VWC2: variants seen among roughly 807,000 people sequenced by gnomAD.
The protein encoded by VWC2 is von Willebrand factor C domain containing 2.
Under a neutral mutation model 29.8 loss-of-function variants are expected in VWC2, and 14 were observed. The observed-to-expected ratio is 0.47, with a 90% confidence interval of 0.31 to 0.74. The LOEUF (loss-of-function observed/expected upper bound fraction) is 0.74. Among genes scored for constraint, VWC2 ranks in the 30% least tolerant of loss-of-function variants. The pLI is 0.05. For missense variants in VWC2, 457 were observed against 459.8 expected, an observed-to-expected ratio of 0.99 and a Z score of 0.05; for synonymous variants, 213 against 199.0, an observed-to-expected ratio of 1.07 and a Z score of -0.59.
intron 3 of VWC2, among the ~76,000 whole-genome samples, chr7:49,867,435 G>T (rs1431483182): frequency 6.6e-6 from 1 of 152,224 alleles, no homozygotes; most frequent in Non-Finnish European, 1.5e-5. Flanking sequence ...CAGGTCAACT[G>T]AGAGGCGGAG....
intron 2 of VWC2, among the ~76,000 whole-genome samples, chr7:49,802,049 A>G (rs1254726894): frequency 6.6e-6 from 1 of 152,200 alleles, no homozygotes; most frequent in African/African-American, 2.4e-5. Context: ...TGGTGAGGGG[A>G]TGGGCAAGAA....
At chr7:49,903,145 G>A (rs1792868852) in intron 3 of VWC2, among the ~76,000 whole-genome samples, 1 of 152,124 alleles carries the variant, frequency 6.6e-6, no homozygotes, top group African/African-American at 2.4e-5. Context: ...AACTGGATTC[G>A]TGGTTGGACT....
rs143172460 is a variant in VWC2, at chr7:49,901,735, G to A, written c.827-10299G>A. Among the ~76,000 whole-genome samples the A allele has an allele frequency of 1.7e-3, 252 of 151,848 alleles. 3 individuals are homozygous for A. Among genetic ancestry groups the A allele is most frequent in the African/African-American group, 5.6e-3 (232 of 41,482 alleles). On this transcript the variant is annotated intron_variant, in intron 3 of 3. Transcript: ENST00000340652. Reference sequence around the variant, plus strand: ...GCAAAAGACCTAGAATAGCCAACACGATATTGAAAGAGAAAAACGTAGCTG... The same window carrying A: ...GCAAAAGACCTAGAATAGCCAACACAATATTGAAAGAGAAAAACGTAGCTG...
chr7:49,776,129 G>C lies in VWC2; in HGVS notation c.694G>C (p.Val232Leu). 2 of 1,512,516 alleles carry C rather than the reference G, an allele frequency of 1.3e-6. No homozygotes were observed. The highest frequency in any genetic ancestry group is 2.5e-5 in the East Asian group (1 of 40,522). 93.7% of individuals were successfully genotyped at this position (1,512,516 alleles called of 1,614,324 possible). The change falls in exon 2 of 4, where the codon GTG (valine) becomes CTG (leucine). Residue 232 changes from valine (V) to leucine (L), a missense_variant and splice_region_variant. Physicochemically the swap from Val to Leu is conservative, Grantham distance 32 (BLOSUM62 1). This residue lies in a region of VWC2 where 185 missense variants were observed against 257.1 expected (regional missense o/e 0.72). Transcript: ENST00000340652. ...GKTYQTLEEF[V>L]VSPCERCRCE... ...GACCTATCAGACTTTGGAGGAGTTC[G>C]TGGTAAGATGCGAACGCCCGCCGGG...
intron 3 of VWC2, among the ~76,000 whole-genome samples, chr7:49,862,232 T>C (rs1790678038): frequency 1.3e-5 from 2 of 152,228 alleles, no homozygotes; most frequent in East Asian, 1.9e-4. Context: ...TTTTAGATGC[T>C]ATTGAAATAG....
At chr7:49,843,878 C>A (rs1215264964) in intron 3 of VWC2, among the ~76,000 whole-genome samples, 1 of 152,110 alleles carries the variant, frequency 6.6e-6, no homozygotes, top group African/African-American at 2.4e-5. Flanking sequence ...AAAAGAAGAC[C>A]AATGGTAATA....
At chr7:49,818,639 G>C (rs894701303) in intron 3 of VWC2, among the ~76,000 whole-genome samples, 2 of 151,870 alleles carry the variant, frequency 1.3e-5, no homozygotes, top group African/African-American at 4.8e-5. Flanking sequence ...GATCTGGCTA[G>C]ACCTGCTGCC....
intron 3 of VWC2, among the ~76,000 whole-genome samples, chr7:49,879,961 T>C (rs1027336924): frequency 6.6e-6 from 1 of 152,142 alleles, no homozygotes; most frequent in Non-Finnish European, 1.5e-5. Flanking sequence ...GCAATTTCAT[T>C]CTTCTCTCTG....
intron 2 of VWC2, among the ~76,000 whole-genome samples, chr7:49,780,512 G>T (rs1422439435): frequency 6.6e-6 from 1 of 152,204 alleles, no homozygotes; most frequent in South Asian, 2.1e-4. Flanking sequence ...TGGTGGAAAG[G>T]GGAGTTTGCA....
chr7:49,798,623 A>G (rs1788656306), intron 2 of VWC2, among the ~76,000 whole-genome samples: 1 of 152,146 alleles, frequency 6.6e-6, no homozygotes, highest in Admixed American at 6.5e-5. Flanking sequence ...TAGGCAGTGT[A>G]GGGACTGGAG....
intron 2 of VWC2, among the ~76,000 whole-genome samples, chr7:49,783,434 A>G (rs1011407509): frequency 6.6e-6 from 1 of 152,178 alleles, no homozygotes; most frequent in East Asian, 1.9e-4. Flanking sequence ...TAGGGAAAAG[A>G]AAAGAGTGTA....
intron 2 of VWC2, among the ~76,000 whole-genome samples, chr7:49,794,899 T>G (rs1788550761): frequency 6.6e-6 from 1 of 152,226 alleles, no homozygotes; most frequent in Admixed American, 6.5e-5. Context: ...TGTCAGATAC[T>G]TCCAGCCAGA....
chr7:49,910,423 A>G (rs577359474), intron 3 of VWC2, among the ~76,000 whole-genome samples: 1 of 152,306 alleles, frequency 6.6e-6, no homozygotes, highest in African/African-American at 2.4e-5. Flanking sequence ...AAGATATTAG[A>G]AGCAAAGAAG....
intron 3 of VWC2, 111 bp from the exon 4 acceptor site, chr7:49,911,923 G>GCA (rs10639154): frequency 0.036 from 12,484 of 346,214 alleles, 380 homozygotes; most frequent in Admixed American, 0.17. Flanking sequence ...ACAAATACAC[G>GCA]CACACACACA....
At chr7:49,911,559 AATT>A (rs1793435134) in intron 3 of VWC2, among the ~76,000 whole-genome samples, 1 of 151,962 alleles carries the variant, frequency 6.6e-6, no homozygotes, top group South Asian at 2.1e-4. Context: ...TTATTACTGA[AATT>A]ATAACTTTGC....
chr7:49,904,143 C>A (rs1842903), intron 3 of VWC2, among the ~76,000 whole-genome samples: 63,776 of 151,982 alleles, frequency 0.42, 13,820 homozygotes, highest in Non-Finnish European at 0.48. Flanking sequence ...TTCCTGCTGG[C>A]ATTGACTCTT....
At chr7:49,868,812 T>G (rs996560369) in intron 3 of VWC2, among the ~76,000 whole-genome samples, 1 of 152,168 alleles carries the variant, frequency 6.6e-6, no homozygotes, top group African/African-American at 2.4e-5. Context: ...AGAGACAAGG[T>G]TTCACCATGT....
At chr7:49,831,562 T>G (rs1010901517) in intron 3 of VWC2, among the ~76,000 whole-genome samples, 1 of 152,126 alleles carries the variant, frequency 6.6e-6, no homozygotes, top group Non-Finnish European at 1.5e-5. Context: ...TTTTGCTCAG[T>G]GTAAGGAGAC....
At position 49,775,674 on chromosome 7, in the gene VWC2, G is replaced by GCGGCCGTGGGCTCGC; in HGVS notation, c.248_262dup (p.Gly83_Arg87dup). On this transcript the variant is annotated inframe_insertion, in exon 2 of 4. Coordinates refer to ENST00000340652, the MANE Select transcript of VWC2 (RefSeq NM_198570.5). ...AGCGGCCGGGACTGGAAGAGCAAGA[G>GCGGCCGTGGGCTCGC]CGGCCGTGGGCTCGCCGGCCGTGAG... 1 of 1,524,584 alleles carries GCGGCCGTGGGCTCGC rather than the reference G, an allele frequency of 6.6e-7. No individual in the cohort carries two copies. The allele number at this position is 1,524,584 out of a possible 1,614,324, so 94.4% of individuals were successfully genotyped here. A position where few individuals can be genotyped will look rare whatever the true frequency, so the allele number is the denominator to read the frequency against.
Sources: allele counts gnomAD v4.1 joint callset (sites outside exome capture counted in the v4.1 genomes callset), GRCh38; gene constraint gnomAD v4.1.1; regional missense constraint gnomAD v4.1.1; transcripts MANE v1.5; gene names NCBI Gene and HGNC (gene_info 2026-07-23, HGNC 2026-07-21).